FAM178B: variants seen among roughly 807,000 people sequenced by gnomAD.
FAM178B encodes family with sequence similarity 178 member B, also known as protein FAM178B.
A neutral mutation model predicts 91.7 loss-of-function variants in FAM178B; 82 were observed. The ratio of observed to expected loss-of-function variants is 0.89; its 90% confidence interval spans 0.75 to 1.07. The LOEUF (loss-of-function observed/expected upper bound fraction) is 1.07, where lower values mean the gene tolerates loss of function less well. FAM178B is among the 50% of genes least tolerant of loss of function. FAM178B has a pLI of 0.00. For missense variants in FAM178B, 769 were observed against 846.7 expected (o/e 0.91, Z 1.14); for synonymous variants, 368 against 359.4 (o/e 1.02, Z -0.27).
In FAM178B at chr2:96,929,206, C is replaced by T; in HGVS notation, c.1193G>A (p.Arg398Lys). The T allele has an allele frequency of 6.5e-7, 1 of 1,547,816 alleles. No homozygotes were observed. The highest frequency in any genetic ancestry group is 8.7e-7 in the Non-Finnish European group (1 of 1,143,572). The change falls in exon 9 of 17, where the codon AGG becomes AAG. Residue 398 changes from arginine (R) to lysine (K), a missense_variant and splice_region_variant. Arg to Lys is a conservative substitution (Grantham distance 26). Transcript: ENST00000490605. ...GCAGTGAGGAAGCAGAAGTACTCAC[C>T]TGCCACCGTGCCAAAAGGGCCCCAG... is the stretch of plus-strand genomic sequence containing the variant. ...YPLGPFWHGG[R>K]VLPGEAGLNE...
At chr2:96,879,569 C>T (rs62152872) in intron 14 of FAM178B, among the ~76,000 whole-genome samples, 2,991 of 152,364 alleles carry the variant, frequency 0.02, 51 homozygotes, top group South Asian at 0.034. Flanking sequence ...ACCCAAATAC[C>T]GCAGTGCAAA....
chr2:96,954,985 G>A (rs530210931), intron 6 of FAM178B, among the ~76,000 whole-genome samples: 1 of 152,306 alleles, frequency 6.6e-6, no homozygotes, highest in South Asian at 2.1e-4. Context: ...GGGAGTTGGA[G>A]GCTGCAGTGA....
chr2:96,890,849 T>G (rs2080661362), intron 14 of FAM178B, among the ~76,000 whole-genome samples: 1 of 152,178 alleles, frequency 6.6e-6, no homozygotes, highest in Non-Finnish European at 1.5e-5. Flanking sequence ...ATAAGCCCTC[T>G]GCCTCTCACA....
rs544330897 is a variant in FAM178B, at chr2:96,886,918, A to T, written c.1776+7008T>A. Among the ~76,000 whole-genome samples, 481 of 150,046 alleles carry T rather than the reference A, an allele frequency of 3.2e-3. 1 individual carries two copies. Among genetic ancestry groups the T allele is most frequent in the Admixed American group, 5.2e-3 (79 of 15,158 alleles). On this transcript the variant is annotated intron_variant, in intron 14 of 16. Transcript: ENST00000490605. Reference sequence around the variant, plus strand: ...TTAACACCAAACCTGGCTCATTTTTAAAAAAAAACCTTTTGGCCGGGCGCG... The same window carrying T: ...TTAACACCAAACCTGGCTCATTTTTTAAAAAAAACCTTTTGGCCGGGCGCG...
chr2:96,986,196 C>A (rs2082421152), intron 1 of FAM178B, 45 bp downstream of exon 1: 3 of 1,533,264 alleles, frequency 2.0e-6, no homozygotes, highest in Non-Finnish European at 2.6e-6. Flanking sequence ...GCTCTCTGAG[C>A]GCTAACCACG....
At chr2:96,930,080 T>C (rs1001007621) in intron 8 of FAM178B, among the ~76,000 whole-genome samples, 1 of 151,836 alleles carries the variant, frequency 6.6e-6, no homozygotes, top group Non-Finnish European at 1.5e-5. Flanking sequence ...TAGCCGAGCA[T>C]GGCGGCATGA....
In FAM178B at chr2:96,877,925, G is replaced by A. The variant is rs151242835; in HGVS notation, c.1972C>T (p.Arg658Cys). 8.3e-5 allele frequency: 134 copies of A among 1,613,764 alleles called. No homozygotes were observed. The highest frequency in any genetic ancestry group is 6.6e-4 in the Middle Eastern group (4 of 6,062). The change falls in exon 16 of 17, where the codon CGT becomes TGT. Residue 658 changes from arginine to cysteine, a missense_variant. By Grantham distance (180) the Arg-to-Cys change is radical (BLOSUM62 -3). Coordinates refer to ENST00000490605, the MANE Select transcript of FAM178B (RefSeq NM_001122646.3). ...CAGTGGGTCAGCAGCTCCTGCCAAC[G>A]GATGTAGGTCTGGGTAGCCAGGTCC... is the stretch of plus-strand genomic sequence containing the variant. ...LKDLATQTYI[R>C]WQELLTHCQP...
chr2:96,977,892 G>C, intron 1 of FAM178B: 1 of 449,562 alleles, frequency 2.2e-6, no homozygotes, highest in South Asian at 1.6e-5. Context: ...ACGAAGCCCA[G>C]GGCACTCTGC....
intron 5 of FAM178B, among the ~76,000 whole-genome samples, chr2:96,961,460 CAGAGGGAGGGGAGAGGAAA>C (rs1420540304): frequency 1.3e-5 from 2 of 152,142 alleles, no homozygotes; most frequent in East Asian, 3.9e-4. Flanking sequence ...GGAGCAGAAT[CAGAGGGAGGGGAGAGGAAA>C]AGAGGGCAAC....
chr2:96,927,835 C>CA (rs1358777359), intron 9 of FAM178B, among the ~76,000 whole-genome samples: 1 of 152,196 alleles, frequency 6.6e-6, no homozygotes, highest in East Asian at 1.9e-4. Context: ...ACAGCAGTCA[C>CA]AAGTGGCTCT....
Position 96,877,981 on chromosome 2 carries a change from C to A in FAM178B, c.1916G>T (p.Ser639Ile), listed in dbSNP as rs771547473. The change falls in exon 16 of 17, where the codon AGC (serine) becomes ATC (isoleucine). Residue 639 changes from serine to isoleucine, a missense_variant. By Grantham distance (142) the Ser-to-Ile change is moderately radical. Coordinates refer to ENST00000490605, the MANE Select transcript of FAM178B (RefSeq NM_001122646.3). ...CATGGTGCGGTGCATGGCCTGGGGG[C>A]TCTCCCGGATCTGCGTGCTGATGTG... is the stretch of plus-strand genomic sequence containing the variant. ...DRHISTQIRE[S>I]PQAMHRTMLK... 2 of 1,613,602 alleles carry A rather than the reference C, an allele frequency of 1.2e-6. No individual in the cohort carries two copies.
At chr2:96,880,600 A>AT (rs573675502) in intron 14 of FAM178B, among the ~76,000 whole-genome samples, 21,637 of 148,482 alleles carry the variant, frequency 0.15, 1,930 homozygotes, top group African/African-American at 0.26. Flanking sequence ...GGTTTAAAAC[A>AT]TTTTTTTTTT....
At position 96,921,556 on chromosome 2, in the gene FAM178B, C is replaced by A. The variant is rs931937487; in HGVS notation, c.1386G>T (p.Gly462=). The A allele has an allele frequency of 1.3e-6, 2 of 1,551,594 alleles. No homozygotes were observed. Among genetic ancestry groups the A allele is most frequent in the African/African-American group, 2.7e-5 (2 of 73,050 alleles). ...GGTCAACTTTGGGCAGCAGGCGGAG[C>A]CCCACGTCCAGGCTGGTGCGGCACA... ...ELLCRTSLDV[G]LRLLPKVDLQ... is the part of the protein sequence containing the mutation. Residue 462 remains glycine, a synonymous_variant, in exon 11 of 17, where the codon GGG becomes GGT. Transcript: ENST00000490605.
chr2:96,986,359 TTCGCACGG>T lies in FAM178B; in HGVS notation c.-54_-47del, dbSNP rs1177768393. 9.8e-6 allele frequency: 15 copies of T among 1,525,882 alleles called. No individual in the cohort carries two copies. Among genetic ancestry groups the T allele is most frequent in the Non-Finnish European group, 1.3e-5 (15 of 1,143,410 alleles). The allele number at this position is 1,525,882 out of a possible 1,614,324, so 94.5% of individuals were successfully genotyped here. ...CCGGGGTGAGGGAGGGTGGCGGGAATTCGCACGGCCTCAGAGGACGGGGCCAGCTAGCC... is the reference window on the plus strand; with the variant it reads ...CCGGGGTGAGGGAGGGTGGCGGGAATCCTCAGAGGACGGGGCCAGCTAGCC... On this transcript the variant is annotated 5_prime_UTR_variant, in exon 1 of 17. Transcript: ENST00000490605.
intron 13 of FAM178B, among the ~76,000 whole-genome samples, chr2:96,896,481 A>G (rs1349379183): frequency 1.3e-5 from 2 of 151,964 alleles, no homozygotes; most frequent in Non-Finnish European, 2.9e-5. Context: ...AACTCTCCCT[A>G]CACCGACATC....
intron 1 of FAM178B, among the ~76,000 whole-genome samples, chr2:96,982,388 G>T (rs906337895): frequency 1.3e-5 from 2 of 151,954 alleles, no homozygotes; most frequent in African/African-American, 2.4e-5. Flanking sequence ...TCAGCTTCCC[G>T]AGTAGCTGGG....
chr2:96,885,886 T>G (rs2080506436), intron 14 of FAM178B, among the ~76,000 whole-genome samples: 1 of 152,152 alleles, frequency 6.6e-6, no homozygotes, highest in African/African-American at 2.4e-5. Context: ...CACGTATACA[T>G]CAGTGCATAT....
intron 12 of FAM178B, among the ~76,000 whole-genome samples, chr2:96,920,275 G>T (rs2081312559): frequency 6.6e-6 from 1 of 152,162 alleles, no homozygotes; most frequent in Non-Finnish European, 1.5e-5. Flanking sequence ...TCTCCTCCTG[G>T]GCTGAGTTTG....
intron 10 of FAM178B, 42 bp from the exon 11 acceptor site, chr2:96,921,696 G>A (rs1470153903): frequency 1.3e-6 from 2 of 1,537,570 alleles, no homozygotes; most frequent in Non-Finnish European, 1.8e-6. Flanking sequence ...GGGCATGGGG[G>A]AACGGGAGAG....
Sources: allele counts gnomAD v4.1 joint callset (sites outside exome capture counted in the v4.1 genomes callset), GRCh38; gene constraint gnomAD v4.1.1; transcripts MANE v1.5; gene names NCBI Gene and HGNC (gene_info 2026-07-23, HGNC 2026-07-21).